The following TFAP2A variants were observed in gnomAD, a reference collection of about 807,000 sequenced individuals.
TFAP2A encodes transcription factor AP-2 alpha, also known as transcription factor AP-2-alpha.
TFAP2A carries 7 observed loss-of-function variants against 41.5 expected under a neutral mutation model. The observed-to-expected ratio is 0.17, with a 90% CI of 0.10 to 0.32. The LOEUF (loss-of-function observed/expected upper bound fraction) is 0.32, where lower values mean the gene tolerates loss of function less well. Among genes scored for constraint, TFAP2A ranks in the 10% least tolerant of loss-of-function variants. TFAP2A has a pLI of 1.00. For synonymous variants in TFAP2A, 247 were observed against 242.8 expected, an observed-to-expected ratio of 1.02 and a Z score of -0.16; for missense variants, 416 against 563.3, an observed-to-expected ratio of 0.74 and a Z score of 2.65.
chr6:10,410,382 G>C, intron 1 of TFAP2A, 47 bp from the exon 2 acceptor site: 1 of 1,539,462 alleles, frequency 6.5e-7, no homozygotes, highest in Non-Finnish European at 8.8e-7. Context: ...ATCAGGCGTC[G>C]AGCTACAACT....
At chr6:10,403,859 T>C (rs1388843400) in intron 4 of TFAP2A, among the ~76,000 whole-genome samples, 1 of 152,140 alleles carries the variant, frequency 6.6e-6, no homozygotes, top group Non-Finnish European at 1.5e-5. Flanking sequence ...CACGTAAACA[T>C]GCTCGCACGC....
upstream of TFAP2A, among the ~76,000 whole-genome samples, chr6:10,417,683 T>A (rs887057314): frequency 6.6e-6 from 1 of 152,122 alleles, no homozygotes; most frequent in Non-Finnish European, 1.5e-5. Flanking sequence ...AACGACTCTC[T>A]TTTCTCCGAT....
upstream of TFAP2A, chr6:10,419,501 G>A: frequency 6.2e-7 from 1 of 1,612,458 alleles, no homozygotes; most frequent in Non-Finnish European, 8.5e-7. Flanking sequence ...GGGCTGGAGG[G>A]CTCGGTCGGG....
chr6:10,407,072 C>T, intron 2 of TFAP2A: 2 of 579,686 alleles, frequency 3.5e-6, no homozygotes, highest in East Asian at 2.9e-5. Context: ...AGCAAATAAT[C>T]CATGTTTAAA....
chr6:10,419,392 C>T, upstream of TFAP2A: 1 of 1,581,724 alleles, frequency 6.3e-7, no homozygotes, highest in Non-Finnish European at 8.7e-7. Context: ...CCCACCTCAA[C>T]CCCAGCCAAG....
In TFAP2A at chr6:10,404,745, G is replaced by C; in HGVS notation, c.539-6C>G. 6.2e-7 allele frequency: 1 copy of C among 1,613,322 alleles called. No homozygotes were observed. On this transcript the variant is annotated splice_polypyrimidine_tract_variant and splice_region_variant and intron_variant, in intron 3 of 6. Transcript: ENST00000379613. Reference sequence around the variant, plus strand: ...CTTGGACAGGGACACGGGGCCTGCGGAGACAGAGGGGAGGCCGCGTGTTGG... The same window carrying C: ...CTTGGACAGGGACACGGGGCCTGCGCAGACAGAGGGGAGGCCGCGTGTTGG...
intron 1 of TFAP2A, chr6:10,411,724 AG>A: frequency 6.5e-7 from 1 of 1,542,496 alleles, no homozygotes. Flanking sequence ...CCAGGACTCC[AG>A]TCACGGCGCC....
chr6:10,404,411 GC>G, intron 4 of TFAP2A, 96 bp downstream of exon 4: 1 of 857,080 alleles, frequency 1.2e-6, no homozygotes, highest in African/African-American at 1.8e-5. Context: ...GAGGGCCGCG[GC>G]GCGAGGCCTG....
At chr6:10,407,167 T>G (rs1757752566) in intron 2 of TFAP2A, 1 of 371,670 alleles carries the variant, frequency 2.7e-6, no homozygotes, top group South Asian at 2.7e-5. Context: ...GTTCAACATT[T>G]AGAAATGTAC....
At chr6:10,417,628 T>C (rs914957422), upstream of TFAP2A, among the ~76,000 whole-genome samples, 5 of 152,086 alleles carry the variant, frequency 3.3e-5, no homozygotes, top group South Asian at 1.0e-3. Context: ...GGAGTATTTG[T>C]GTGAGAGACA....
intron 5 of TFAP2A, among the ~76,000 whole-genome samples, chr6:10,401,035 C>T (rs1406309968): frequency 6.6e-6 from 1 of 152,230 alleles, no homozygotes; most frequent in Non-Finnish European, 1.5e-5. Flanking sequence ...AACCGATTAA[C>T]CAAGAGGATT....
rs564377448 is a variant in TFAP2A, at chr6:10,406,596, G to C, written c.538+197C>G. ...AATTAAATGGTCAAATCATGAGTCA[G>C]AACAAAGCTAGCCTGTTGGCATTAC... On this transcript the variant is annotated intron_variant, in intron 3 of 6. Coordinates refer to ENST00000379613, the MANE Select transcript of TFAP2A (RefSeq NM_001372066.1). 1.3e-5 allele frequency: 8 copies of C among 613,536 alleles called. No individual in the cohort carries two copies. The East Asian group carries it at 2.2e-4, about 17-fold the overall frequency. The allele number at this position is 613,536 out of a possible 1,614,324, so 38.0% of individuals were successfully genotyped here. A position where few individuals can be genotyped will look rare whatever the true frequency, so the allele number is the denominator to read the frequency against.
At position 10,397,107 on chromosome 6, in the gene TFAP2A, G is replaced by A. The variant is rs890721929; in HGVS notation, c.*1310C>T. On this transcript the variant is annotated 3_prime_UTR_variant, in exon 7 of 7. Coordinates refer to ENST00000379613, the MANE Select transcript of TFAP2A (RefSeq NM_001372066.1). Reference sequence around the variant, plus strand: ...GGACTATGATACATTGACAGGCATGGAAACTACTGCCAGCACAACTCAATA... The same window carrying A: ...GGACTATGATACATTGACAGGCATGAAAACTACTGCCAGCACAACTCAATA... The A allele has an allele frequency of 2.6e-5, 4 of 152,278 alleles. No homozygotes were observed. Among genetic ancestry groups the A allele is most frequent in the African/African-American group, 7.2e-5 (3 of 41,440 alleles). The allele number at this position is 152,278 out of a possible 1,614,324, so 9.4% of individuals were successfully genotyped here.
upstream of TFAP2A, chr6:10,416,209 C>T (rs1758236082): frequency 6.6e-6 from 1 of 152,214 alleles, no homozygotes; most frequent in Non-Finnish European, 1.5e-5. Flanking sequence ...TCCCAAGATT[C>T]CCCTTTTTAA....
At chr6:10,419,447 A>G (rs772759043), upstream of TFAP2A, 20 of 1,613,832 alleles carry the variant, frequency 1.2e-5, no homozygotes, top group Non-Finnish European at 1.6e-5. Flanking sequence ...GCAAGTATGG[A>G]CATCGCGGCT....
rs1761871004 is a variant in TFAP2A, at chr6:10,398,379, C to T, written c.*38G>A. The T allele has an allele frequency of 1.6e-6, 2 of 1,263,430 alleles. No individual in the cohort carries two copies. 78.3% of individuals were successfully genotyped at this position (1,263,430 alleles called of 1,614,324 possible). On this transcript the variant is annotated 3_prime_UTR_variant, in exon 7 of 7. Coordinates refer to ENST00000379613, the MANE Select transcript of TFAP2A (RefSeq NM_001372066.1). This position sits in a 1 kb window ranked among gnomAD's most constrained non-coding sequence, Gnocchi z 5.3. ...CGCCGGAGGGTGGGCGCGCGGGGGG[C>T]TGGTGAGGCGTGGGAGGGGCGGGGC...
At chr6:10,411,778 A>G in intron 1 of TFAP2A, 3 of 1,457,302 alleles carry the variant, frequency 2.1e-6, no homozygotes, top group Non-Finnish European at 2.7e-6. Context: ...ATCCATCCGA[A>G]CTTGAACCAC....
At chr6:10,414,844 C>A in intron 1 of TFAP2A, 97 bp downstream of exon 1, 1 of 1,538,860 alleles carries the variant, frequency 6.5e-7, no homozygotes, top group Non-Finnish European at 9.0e-7. Flanking sequence ...TTGTCCCACC[C>A]GCGTTTCGCA....
At chr6:10,409,606 G>T in intron 2 of TFAP2A, 1 of 416,618 alleles carries the variant, frequency 2.4e-6, no homozygotes, top group South Asian at 2.7e-5. Flanking sequence ...GTTTACTGTC[G>T]TCGAGAGGAA....
Sources: gnomAD v4.1 joint callset for allele counts (sites outside exome capture counted in the v4.1 genomes callset) on GRCh38, gnomAD v4.1.1 for gene constraint, Gnocchi (gnomAD v3.1) non-coding constraint, MANE v1.5 for transcripts, NCBI Gene and HGNC (gene_info 2026-07-23, HGNC 2026-07-21) for gene names.